FSTL4: variants seen among roughly 807,000 people sequenced by gnomAD.
FSTL4 encodes the protein follistatin-related protein 4.
FSTL4 carries 28 observed loss-of-function variants against 78.2 expected under a neutral mutation model. The ratio of observed to expected loss-of-function variants is 0.36; its 90% CI spans 0.27 to 0.49. The LOEUF (loss-of-function observed/expected upper bound fraction) is 0.49. FSTL4 is among the 20% of genes least tolerant of loss of function. The pLI is 0.98. For missense variants in FSTL4, 922 were observed against 1,084.9 expected, an observed-to-expected ratio of 0.85 and a Z score of 2.11; for synonymous variants, 422 against 440.5, an observed-to-expected ratio of 0.96 and a Z score of 0.53.
the FSTL4 span, among the ~76,000 whole-genome samples, chr5:133,774,311 T>C: frequency 1.3e-5 from 2 of 152,160 alleles, no homozygotes; most frequent in African/African-American, 4.8e-5. Context: ...GTAGCGATTC[T>C]CAATCAGAAG....
At chr5:133,531,137 C>A (rs143019799) in intron 3 of FSTL4, among the ~76,000 whole-genome samples, 8 of 152,340 alleles carry the variant, frequency 5.3e-5, no homozygotes, top group Non-Finnish European at 1.0e-4. Flanking sequence ...GTCTCACTGG[C>A]TGATCATTGA....
At chr5:133,376,284 C>T (rs1755433979) in intron 4 of FSTL4, among the ~76,000 whole-genome samples, 1 of 152,160 alleles carries the variant, frequency 6.6e-6, no homozygotes, top group Admixed American at 6.5e-5. Flanking sequence ...ACATTTGCTA[C>T]AAGACAGAGG....
At chr5:133,259,422 A>G (rs1297857087) in intron 6 of FSTL4, among the ~76,000 whole-genome samples, 1 of 152,164 alleles carries the variant, frequency 6.6e-6, no homozygotes, top group African/African-American at 2.4e-5. Flanking sequence ...AGATGCGGTC[A>G]GAGGCAGGAA....
chr5:133,657,811 T>C, the FSTL4 span, among the ~76,000 whole-genome samples: 1 of 151,480 alleles, frequency 6.6e-6, no homozygotes, highest in Non-Finnish European at 1.5e-5. Context: ...GTGTAGTTTT[T>C]TTCTAAAACA....
chr5:133,591,917 T>A (rs73788166), intron 2 of FSTL4, among the ~76,000 whole-genome samples: 4 of 152,224 alleles, frequency 2.6e-5, no homozygotes, highest in African/African-American at 7.2e-5. Context: ...TCTTTGTACA[T>A]GAGCATGTTA....
chr5:133,464,156 A>C (rs910880821), intron 3 of FSTL4, among the ~76,000 whole-genome samples: 4 of 152,202 alleles, frequency 2.6e-5, no homozygotes. Context: ...CACTTACACT[A>C]AGCAGTGTTG....
chr5:133,737,016 G>A, the FSTL4 span, among the ~76,000 whole-genome samples: 12 of 152,012 alleles, frequency 7.9e-5, no homozygotes, highest in Admixed American at 2.6e-4. Context: ...TGTTAAATAC[G>A]CACATCATGG....
At chr5:133,278,447 CT>C (rs1193629290) in intron 6 of FSTL4, among the ~76,000 whole-genome samples, 1 of 152,246 alleles carries the variant, frequency 6.6e-6, no homozygotes, top group Non-Finnish European at 1.5e-5. Flanking sequence ...CAGCAGGGCT[CT>C]GTCTGTGCTG....
chr5:133,387,610 T>C (rs1259769344), intron 4 of FSTL4, among the ~76,000 whole-genome samples: 1 of 152,200 alleles, frequency 6.6e-6, no homozygotes, highest in Non-Finnish European at 1.5e-5. Context: ...CATTTCTCTC[T>C]AATTGGTTAA....
At chr5:133,291,844 C>T (rs1406650515) in intron 6 of FSTL4, among the ~76,000 whole-genome samples, 1 of 152,124 alleles carries the variant, frequency 6.6e-6, no homozygotes, top group East Asian at 1.9e-4. Context: ...TGAGAAGAGC[C>T]AGCCTTTCTG....
intron 3 of FSTL4, among the ~76,000 whole-genome samples, chr5:133,442,699 GGTCACAGAACCCCTAAATTTCAT>G (rs1367028740): frequency 3.9e-5 from 6 of 152,104 alleles, no homozygotes; most frequent in Non-Finnish European, 7.4e-5. Context: ...TGACCCCCTG[GGTCACAGAACCCCTAAATTTCAT>G]GTCCTCCCTT....
chr5:133,503,980 G>A (rs1172741640), intron 3 of FSTL4, among the ~76,000 whole-genome samples: 2 of 152,216 alleles, frequency 1.3e-5, no homozygotes, highest in Non-Finnish European at 2.9e-5. Context: ...TGGGAGGAAT[G>A]AGAAGAATGA....
At chr5:133,299,430 C>T (rs1446636245) in intron 6 of FSTL4, among the ~76,000 whole-genome samples, 1 of 152,194 alleles carries the variant, frequency 6.6e-6, no homozygotes, top group Non-Finnish European at 1.5e-5. Flanking sequence ...CTCTGCTTCC[C>T]CTTCACATGG....
the FSTL4 span, among the ~76,000 whole-genome samples, chr5:133,647,786 T>C: frequency 6.6e-6 from 1 of 152,218 alleles, no homozygotes; most frequent in African/African-American, 2.4e-5. Flanking sequence ...TTCTTGATGA[T>C]CTGATTACTC....
At chr5:133,253,502 C>T (rs1471464825) in intron 6 of FSTL4, among the ~76,000 whole-genome samples, 1 of 152,198 alleles carries the variant, frequency 6.6e-6, no homozygotes, top group Non-Finnish European at 1.5e-5. Flanking sequence ...GCAAGTGCTC[C>T]CACTGCATCT....
At chr5:133,602,615 T>C (rs1269116340) in intron 2 of FSTL4, among the ~76,000 whole-genome samples, 1 of 152,184 alleles carries the variant, frequency 6.6e-6, no homozygotes, top group Non-Finnish European at 1.5e-5. Flanking sequence ...ATAAAGCTGT[T>C]CCCATAAGGG....
intron 3 of FSTL4, among the ~76,000 whole-genome samples, chr5:133,463,444 C>T (rs1002183103): frequency 6.6e-6 from 1 of 152,186 alleles, no homozygotes; most frequent in African/African-American, 2.4e-5. Flanking sequence ...CCCTACCTGT[C>T]CCTGTCGTAT....
At chr5:133,511,063 C>A (rs1758722192) in intron 3 of FSTL4, among the ~76,000 whole-genome samples, 1 of 152,176 alleles carries the variant, frequency 6.6e-6, no homozygotes, top group Non-Finnish European at 1.5e-5. Context: ...AGTTTCTGGG[C>A]CTGAGATGAG....
the FSTL4 span, among the ~76,000 whole-genome samples, chr5:133,726,374 T>A: frequency 9.2e-5 from 14 of 152,088 alleles, no homozygotes; most frequent in South Asian, 2.1e-4. Context: ...CCTGAAACAC[T>A]CCTCTTGCAA....
Sources: gnomAD v4.1 joint callset for allele counts (sites outside exome capture counted in the v4.1 genomes callset) on GRCh38, gnomAD v4.1.1 for gene constraint, MANE v1.5 for transcripts, NCBI Gene and HGNC (gene_info 2026-07-23, HGNC 2026-07-21) for gene names.